The following EHBP1 variants were observed in gnomAD, a reference collection of about 807,000 sequenced individuals.
The protein encoded by EHBP1 is EH domain-binding protein 1.
Under a neutral mutation model 144.0 loss-of-function variants are expected in EHBP1, and 55 were observed. The ratio of observed to expected loss-of-function variants is 0.38; its 90% CI spans 0.31 to 0.48. The LOEUF is 0.48. Ranked by LOEUF, EHBP1 falls within the 20% of genes least tolerant of loss-of-function variation. The pLI is 0.98. For synonymous variants in EHBP1, 469 were observed against 472.7 expected (o/e 0.99, Z 0.10); for missense variants, 1,200 against 1,364.2 (o/e 0.88, Z 1.90).
chr2:62,683,759 T>C (rs1572860309), intron 1 of EHBP1, among the ~76,000 whole-genome samples: 1 of 149,146 alleles, frequency 6.7e-6, no homozygotes, highest in African/African-American at 2.5e-5. Context: ...TAATGTCAGG[T>C]GGGCAAAACC....
chr2:62,911,252 T>C (rs2054192972), intron 10 of EHBP1, among the ~76,000 whole-genome samples: 2 of 152,156 alleles, frequency 1.3e-5, no homozygotes, highest in Admixed American at 6.5e-5. Context: ...GGAATAATAA[T>C]AGTGCTTATC....
chr2:62,896,334 C>CA, intron 10 of EHBP1, among the ~76,000 whole-genome samples: 1 of 152,134 alleles, frequency 6.6e-6, no homozygotes, highest in Non-Finnish European at 1.5e-5. Context: ...TTATACAAGT[C>CA]AGAGAACGTA....
chr2:62,905,796 C>T (rs2053761462), intron 10 of EHBP1, among the ~76,000 whole-genome samples: 1 of 151,986 alleles, frequency 6.6e-6, no homozygotes, highest in Admixed American at 6.6e-5. Flanking sequence ...TGCACTCCAG[C>T]CTGGGCGACA....
chr2:62,807,353 G>A (rs1003270522), intron 5 of EHBP1, among the ~76,000 whole-genome samples: 9 of 152,138 alleles, frequency 5.9e-5, no homozygotes, highest in Admixed American at 5.2e-4. Flanking sequence ...TTCAAGACCA[G>A]CCTGACCAAC....
intron 7 of EHBP1, chr2:62,858,576 T>A (rs916465950): frequency 1.5e-5 from 16 of 1,035,316 alleles, no homozygotes; most frequent in East Asian, 7.2e-5. Context: ...CTGCTACCTC[T>A]TGACTTCTGT....
chr2:62,921,087 G>C (rs1303576996), intron 10 of EHBP1, among the ~76,000 whole-genome samples: 1 of 152,188 alleles, frequency 6.6e-6, no homozygotes, highest in African/African-American at 2.4e-5. Context: ...AAGAGAAGCT[G>C]TTAGAAGTTA....
At chr2:62,722,703 T>G (rs923893781) in intron 2 of EHBP1, among the ~76,000 whole-genome samples, 1 of 152,198 alleles carries the variant, frequency 6.6e-6, no homozygotes, top group South Asian at 2.1e-4. Context: ...ACTTCTTAAG[T>G]GTCAATTCAC....
chr2:62,850,219 T>C (rs1490931611), intron 7 of EHBP1, among the ~76,000 whole-genome samples: 1 of 152,172 alleles, frequency 6.6e-6, no homozygotes, highest in Non-Finnish European at 1.5e-5. Context: ...CATCTTAAAA[T>C]AAGACATACC....
chr2:62,762,290 G>A (rs1247593225), intron 3 of EHBP1, among the ~76,000 whole-genome samples: 3 of 152,096 alleles, frequency 2.0e-5, no homozygotes, highest in Non-Finnish European at 4.4e-5. Context: ...TTCTTGACCT[G>A]TTTAATGTTT....
rs185235918 is a variant in EHBP1 at position 63,025,373 on chromosome 2, C to T, written c.3104-12162C>T. On this transcript the variant is annotated intron_variant, in intron 19 of 22. Transcript: ENST00000431489. The stretch of plus-strand genomic sequence containing the variant: ...ATCTGTTGGGCTCGGGCAATCCTCC[C>T]GCCTCAGGCTCTGAGTGGCTGGTAC... Among the ~76,000 whole-genome samples, 567 of 152,310 alleles carry T rather than the reference C, an allele frequency of 3.7e-3. 4 individuals are homozygous for T. The highest frequency in any genetic ancestry group is 0.013 in the African/African-American group (522 of 41,582).
At chr2:62,713,627 G>A (rs2035376339) in intron 2 of EHBP1, among the ~76,000 whole-genome samples, 1 of 152,154 alleles carries the variant, frequency 6.6e-6, no homozygotes, top group Admixed American at 6.5e-5. Flanking sequence ...GGTAAGAAAG[G>A]TATTGTTCCC....
chr2:63,033,653 T>G (rs1177563089), intron 19 of EHBP1, among the ~76,000 whole-genome samples: 1 of 152,154 alleles, frequency 6.6e-6, no homozygotes, highest in Non-Finnish European at 1.5e-5. Context: ...TAATTTCTGG[T>G]TTTTGACATC....
chr2:62,750,431 T>G (rs1236937582), intron 3 of EHBP1, among the ~76,000 whole-genome samples: 2 of 152,234 alleles, frequency 1.3e-5, no homozygotes, highest in Admixed American at 6.5e-5. Context: ...GCCTCCAGCT[T>G]TGTTCTTTTG....
In EHBP1 at chr2:62,875,054, G is replaced by A. The variant is rs985272426; in HGVS notation, c.1185+522G>A. Among the ~76,000 whole-genome samples the A allele has an allele frequency of 7.9e-5, 12 of 152,068 alleles. No homozygotes were observed. The South Asian group carries it at 2.1e-3, about 26-fold the overall frequency. On this transcript the variant is annotated intron_variant, in intron 10 of 22. Transcript: ENST00000431489. ...TTGCTGGTGTAAGCATATGCACACA[G>A]ACCCTGCCACCCTGCCCCTGCCAGC...
chr2:62,767,577 G>T (rs886692596), intron 4 of EHBP1, among the ~76,000 whole-genome samples: 1 of 151,900 alleles, frequency 6.6e-6, no homozygotes, highest in African/African-American at 2.4e-5. Context: ...GCTCACTCCT[G>T]TAATCCCAGC....
intron 5 of EHBP1, among the ~76,000 whole-genome samples, chr2:62,781,934 A>G (rs4627548): frequency 0.021 from 3,260 of 152,334 alleles, 84 homozygotes; most frequent in African/African-American, 0.065. Context: ...AGCATTTTCA[A>G]ATAAAATGGG....
At chr2:62,808,046 C>T (rs2044650971) in intron 5 of EHBP1, among the ~76,000 whole-genome samples, 1 of 150,282 alleles carries the variant, frequency 6.7e-6, no homozygotes, top group South Asian at 2.1e-4. Flanking sequence ...AAGTGAGACC[C>T]TATCTCTAAA....
intron 5 of EHBP1, among the ~76,000 whole-genome samples, chr2:62,820,778 A>ATATATATG (rs2045920748): frequency 8.2e-6 from 1 of 121,334 alleles, no homozygotes; most frequent in African/African-American, 3.1e-5. Flanking sequence ...ATATATATAT[A>ATATATATG]TATGCACATC....
intron 7 of EHBP1, among the ~76,000 whole-genome samples, chr2:62,840,719 G>A (rs1310564284): frequency 2.0e-5 from 3 of 151,080 alleles, no homozygotes; most frequent in Non-Finnish European, 4.4e-5. Context: ...CATTTATGCA[G>A]CCAAAAAACA....
Sources: allele counts gnomAD v4.1 joint callset (sites outside exome capture counted in the v4.1 genomes callset), GRCh38; gene constraint gnomAD v4.1.1; transcripts MANE v1.5; gene names NCBI Gene and HGNC (gene_info 2026-07-23, HGNC 2026-07-21).